Variants in TUBB8 observed in about 807,000 individuals in gnomAD.
TUBB8 encodes tubulin beta 8 class VIII, also known as tubulin beta-8 chain.
In TUBB8, 25 loss-of-function variants were observed where a neutral mutation model predicts 33.7. The ratio of observed to expected loss-of-function variants is 0.74; its 90% CI spans 0.54 to 1.04. The LOEUF is 1.04. Among genes scored for constraint, TUBB8 ranks in the 50% least tolerant of loss-of-function variants. The pLI, the probability that TUBB8 is intolerant of heterozygous loss-of-function variation, is 0.00. For synonymous variants in TUBB8, 245 were observed against 240.1 expected (o/e 1.02, Z -0.19); for missense variants, 279 against 608.0 (o/e 0.46, Z 5.69).
chr10:68,205 T>C (rs113441930), intron 1 of TUBB8, among the ~76,000 whole-genome samples: 18,264 of 117,804 alleles, frequency 0.16, no homozygotes, highest in African/African-American at 0.29. Context: ...CCCACAAGAC[T>C]GCTGTGACAC....
intron 1 of TUBB8, among the ~76,000 whole-genome samples, chr10:63,337 A>C (rs1320527539): frequency 6.6e-6 from 1 of 152,218 alleles, no homozygotes; most frequent in Non-Finnish European, 1.5e-5. Flanking sequence ...CGGCCTCCCA[A>C]AGTGCTGGGA....
At chr10:73,737 C>A (rs563765469) in intron 1 of TUBB8, among the ~76,000 whole-genome samples, 1 of 151,986 alleles carries the variant, frequency 6.6e-6, no homozygotes, top group East Asian at 1.9e-4. Flanking sequence ...AACATCCCGA[C>A]AGCCCGACGG....
chr10:65,794 T>A (rs1834663792), intron 1 of TUBB8, among the ~76,000 whole-genome samples: 1 of 151,940 alleles, frequency 6.6e-6, no homozygotes, highest in African/African-American at 2.4e-5. Context: ...TAGCACGTAT[T>A]TTGAGGATTG....
At chr10:73,746 G>T (rs1183821476) in intron 1 of TUBB8, among the ~76,000 whole-genome samples, 2 of 151,874 alleles carry the variant, frequency 1.3e-5, no homozygotes, top group East Asian at 1.9e-4. Flanking sequence ...ACAGCCCGAC[G>T]GCGTCTCCGC....
intron 1 of TUBB8, among the ~76,000 whole-genome samples, chr10:66,575 G>A (rs542407562): frequency 6.6e-6 from 1 of 152,368 alleles, no homozygotes; most frequent in African/African-American, 2.4e-5. Context: ...CTTGAGCCCA[G>A]GAGGTTTAGG....
chr10:66,038 T>C (rs1326714413), intron 1 of TUBB8, among the ~76,000 whole-genome samples: 1 of 152,220 alleles, frequency 6.6e-6, no homozygotes, highest in African/African-American at 2.4e-5. Context: ...ACAATCTCCA[T>C]TGTCAGGGCC....
chr10:50,379 A>T (rs1834451313), upstream of TUBB8: 1 of 152,216 alleles, frequency 6.6e-6, no homozygotes, highest in Non-Finnish European at 1.5e-5. Context: ...CTGGACTGAA[A>T]TGCAATCCCT....
chr10:75,549 G>A (rs1554743061), upstream of TUBB8, among the ~76,000 whole-genome samples: 3 of 150,716 alleles, frequency 2.0e-5, no homozygotes, highest in South Asian at 4.2e-4. Flanking sequence ...TAGCTACTCC[G>A]GAGGCTGAGG....
chr10:50,747 G>T (rs1170007233), upstream of TUBB8, among the ~76,000 whole-genome samples: 1 of 152,174 alleles, frequency 6.6e-6, no homozygotes, highest in South Asian at 2.1e-4. Flanking sequence ...AACTGCAGGG[G>T]CCTAGTTAGT....
intron 1 of TUBB8, among the ~76,000 whole-genome samples, chr10:63,143 G>A (rs1273045801): frequency 5.9e-5 from 9 of 151,422 alleles, no homozygotes; most frequent in African/African-American, 1.2e-4. Context: ...GCACAATCTT[G>A]GCTCACTGCA....
intron 1 of TUBB8, among the ~76,000 whole-genome samples, chr10:61,561 ATG>A (rs1554740850): frequency 6.6e-6 from 1 of 152,228 alleles, no homozygotes; most frequent in Non-Finnish European, 1.5e-5. Flanking sequence ...GCAGAGAAGA[ATG>A]TGTATTCTGC....
chr10:70,228 A>C (rs1161945476), intron 1 of TUBB8, among the ~76,000 whole-genome samples: 1 of 151,828 alleles, frequency 6.6e-6, no homozygotes, highest in African/African-American at 2.4e-5. Context: ...ATTGAAAACA[A>C]GATAAACTAA....
intron 1 of TUBB8, 32 bp downstream of exon 1, chr10:49,150 C>G: frequency 1.3e-6 from 2 of 1,553,502 alleles, no homozygotes; most frequent in Non-Finnish European, 1.7e-6. Flanking sequence ...CCGGCAGGCC[C>G]GGGCTAGGCC....
intron 1 of TUBB8, 82 bp from the exon 2 acceptor site, chr10:48,994 C>A: frequency 8.0e-7 from 1 of 1,254,872 alleles, no homozygotes; most frequent in Non-Finnish European, 1.1e-6. Context: ...CACCCTCATC[C>A]GCACCCCCAT....
upstream of TUBB8, among the ~76,000 whole-genome samples, chr10:75,820 A>T (rs1478967521): frequency 2.0e-5 from 3 of 151,976 alleles, no homozygotes; most frequent in Non-Finnish European, 4.4e-5. Context: ...CGTTGTTTCC[A>T]CTACGTTAAC....
At chr10:48,434 A>C (rs1325706132) in intron 3 of TUBB8, 181 bp downstream of exon 3, 11 of 674,112 alleles carry the variant, frequency 1.6e-5, no homozygotes, top group Non-Finnish European at 2.6e-5. Context: ...CCTTGAGGAG[A>C]CACCAGGGCC....
chr10:70,565 C>T (rs1834723795), intron 1 of TUBB8, among the ~76,000 whole-genome samples: 3 of 152,136 alleles, frequency 2.0e-5, no homozygotes, highest in Admixed American at 1.3e-4. Context: ...ATAAGAGAAA[C>T]TTATTGGCTC....
chr10:55,802 G>C (rs1340745092), intron 1 of TUBB8, among the ~76,000 whole-genome samples: 1 of 152,208 alleles, frequency 6.6e-6, no homozygotes, highest in Non-Finnish European at 1.5e-5. Flanking sequence ...TAGTTTAGCT[G>C]TATGAGTTTG....
In TUBB8 at chr10:48,790, G is replaced by A. The variant is rs1588272250; in HGVS notation, c.166+14C>T. On this transcript the variant is annotated intron_variant, in intron 2 of 3. Transcript: ENST00000568584. ...GTTCCCAGGAGGGCGGTGGGGGAAGGACGGGGGTCTCACCGCTGGCCTCGT... is the reference window on the plus strand; with the variant it reads ...GTTCCCAGGAGGGCGGTGGGGGAAGAACGGGGGTCTCACCGCTGGCCTCGT... The A allele has an allele frequency of 6.2e-7, 1 of 1,611,278 alleles. No individual in the cohort carries two copies. The highest frequency in any genetic ancestry group is 8.5e-7 in the Non-Finnish European group (1 of 1,178,980).
Sources: allele counts gnomAD v4.1 joint callset (sites outside exome capture counted in the v4.1 genomes callset), GRCh38; gene constraint gnomAD v4.1.1; transcripts MANE v1.5; gene names NCBI Gene and HGNC (gene_info 2026-07-23, HGNC 2026-07-21).